PTPRG: variants seen among roughly 807,000 people sequenced by gnomAD.
The protein encoded by PTPRG is receptor-type tyrosine-protein phosphatase gamma.
PTPRG carries 102 observed loss-of-function variants against 165.3 expected under a neutral mutation model. That is an observed-to-expected ratio of 0.62 (90% CI 0.53 to 0.73). The LOEUF is 0.73. Among genes scored for constraint, PTPRG ranks in the 30% least tolerant of loss-of-function variants. The pLI is 0.00. For synonymous variants in PTPRG, 675 were observed against 669.5 expected (o/e 1.01, Z -0.13); for missense variants, 1,866 against 1,861.4 (o/e 1.00, Z -0.05).
chr3:62,274,320 G>T (rs1274482057), intron 23 of PTPRG, among the ~76,000 whole-genome samples: 3 of 152,058 alleles, frequency 2.0e-5, no homozygotes, highest in African/African-American at 7.2e-5. Flanking sequence ...TTCCTAAATG[G>T]TTGTTCTTTT....
intron 5 of PTPRG, among the ~76,000 whole-genome samples, chr3:62,090,536 C>T (rs375234160): frequency 2.0e-5 from 3 of 152,260 alleles, no homozygotes; most frequent in African/African-American, 7.2e-5. Flanking sequence ...TGGTTTCTCT[C>T]TATTTTGAAT....
At chr3:61,907,670 G>C (rs1169825524) in intron 2 of PTPRG, among the ~76,000 whole-genome samples, 1 of 152,196 alleles carries the variant, frequency 6.6e-6, no homozygotes, top group African/African-American at 2.4e-5. Context: ...AGGGAACACA[G>C]ATGATAACGA....
chr3:61,858,983 G>T (rs961876871), intron 2 of PTPRG, among the ~76,000 whole-genome samples: 2 of 151,980 alleles, frequency 1.3e-5, no homozygotes, highest in Non-Finnish European at 2.9e-5. Context: ...TGCAGAGCAT[G>T]ATCAAAGAAT....
intron 2 of PTPRG, among the ~76,000 whole-genome samples, chr3:61,839,133 T>A (rs2036550966): frequency 6.6e-6 from 1 of 152,162 alleles, no homozygotes; most frequent in Non-Finnish European, 1.5e-5. Context: ...AGATAAACTT[T>A]CAATTAGGGG....
intron 2 of PTPRG, among the ~76,000 whole-genome samples, chr3:61,791,919 C>T (rs538275113): frequency 3.3e-5 from 5 of 152,288 alleles, no homozygotes; most frequent in African/African-American, 1.2e-4. Context: ...ATTTTTATCT[C>T]ACTTTTTAGA....
intron 2 of PTPRG, among the ~76,000 whole-genome samples, chr3:61,827,353 C>T (rs1339996660): frequency 2.6e-5 from 4 of 152,182 alleles, no homozygotes; most frequent in African/African-American, 7.2e-5. Flanking sequence ...GATGCACTTT[C>T]GGAGAAGGGT....
In PTPRG at chr3:62,251,253, C is replaced by T. The variant is rs1007457607; in HGVS notation, c.2468-3871C>T. Among the ~76,000 whole-genome samples the T allele has an allele frequency of 5.3e-5, 8 of 152,252 alleles. No homozygotes were observed. In the South Asian group the frequency reaches 1.0e-3, roughly 20 times the overall value. On this transcript the variant is annotated intron_variant, in intron 15 of 29. Transcript: ENST00000474889. ...AAAAAATATAAGCCAGGTGTGGTGA[C>T]GTGGGCCTGTAGTCCCAGCTACGCA...
At chr3:61,795,639 CAAAAAAAAA>C (rs145136197) in intron 2 of PTPRG, among the ~76,000 whole-genome samples, 3 of 59,448 alleles carry the variant, frequency 5.0e-5, no homozygotes, top group Admixed American at 2.6e-4. Flanking sequence ...GACTCCGTCT[CAAAAAAAAA>C]AAAAAAAAAA....
chr3:62,017,418 ATTT>A (rs11287319), intron 4 of PTPRG, among the ~76,000 whole-genome samples: 3 of 136,864 alleles, frequency 2.2e-5, no homozygotes, highest in African/African-American at 5.4e-5. Flanking sequence ...TCAGAAAATG[ATTT>A]TTTTTTTTTT....
intron 1 of PTPRG, among the ~76,000 whole-genome samples, chr3:61,565,520 A>C (rs1366038754): frequency 6.6e-6 from 1 of 152,054 alleles, no homozygotes; most frequent in Admixed American, 6.6e-5. Flanking sequence ...ATCTCCAATC[A>C]CTGGGAATTT....
chr3:61,601,413 G>C (rs1700864736), intron 1 of PTPRG, among the ~76,000 whole-genome samples: 1 of 152,214 alleles, frequency 6.6e-6, no homozygotes, highest in Non-Finnish European at 1.5e-5. Flanking sequence ...GGGCATGTTG[G>C]CCTCTGCTAT....
At chr3:61,588,813 T>C (rs1299819745) in intron 1 of PTPRG, among the ~76,000 whole-genome samples, 1 of 152,242 alleles carries the variant, frequency 6.6e-6, no homozygotes, top group Non-Finnish European at 1.5e-5. Context: ...CATACTCATA[T>C]ATGCATCCGT....
At position 62,271,681 on chromosome 3, in the gene PTPRG, A is replaced by G. The variant is rs146536392; in HGVS notation, c.3182+126A>G. ...AATCTTCCACTGGAAACTGGGATGG[A>G]TAAGACCTATGATAGTCTTAAAGAG... On this transcript the variant is annotated intron_variant, in intron 21 of 29. Coordinates refer to ENST00000474889, the MANE Select transcript of PTPRG (RefSeq NM_002841.4). This position sits in a 1 kb window ranked among gnomAD's most constrained non-coding sequence, Gnocchi z 4.1. 6.6e-4 allele frequency: 527 copies of G among 801,596 alleles called. No individual in the cohort carries two copies. In the African/African-American group the frequency reaches 8.1e-3, roughly 12 times the overall value. The allele number at this position is 801,596 out of a possible 1,614,324, so 49.7% of individuals were successfully genotyped here.
At chr3:62,192,575 A>AT (rs567727719) in intron 9 of PTPRG, among the ~76,000 whole-genome samples, 1,524 of 150,154 alleles carry the variant, frequency 0.01, 30 homozygotes, top group African/African-American at 0.034. Context: ...TGCCTGGCTA[A>AT]TTTTTTTTTG....
At chr3:61,848,479 T>TA (rs1462660168) in intron 2 of PTPRG, among the ~76,000 whole-genome samples, 1 of 152,258 alleles carries the variant, frequency 6.6e-6, no homozygotes, top group Non-Finnish European at 1.5e-5. Flanking sequence ...TTGCATTTTT[T>TA]ATCTTTTCCA....
intron 2 of PTPRG, among the ~76,000 whole-genome samples, chr3:61,986,807 T>G (rs1409438413): frequency 6.6e-6 from 1 of 152,224 alleles, no homozygotes; most frequent in Non-Finnish European, 1.5e-5. Flanking sequence ...TGCAAGTGAC[T>G]TCTTATTCTT....
In PTPRG at chr3:61,849,070, TG is replaced by T. The variant is rs138475998; in HGVS notation, c.190+100089del. ...AGTCTTTGGAGTACACTGGGCCTTT[TG>T]CAGTTGGGACAAACCCATTTCCTCT... On this transcript the variant is annotated intron_variant, in intron 2 of 29. Transcript: ENST00000474889. 8.5e-3 allele frequency among the ~76,000 whole-genome samples: 1,301 copies of T among 152,284 alleles called. 8 individuals are homozygous for T. Among genetic ancestry groups the T allele is most frequent in the Non-Finnish European group, 0.015 (1,020 of 68,008 alleles).
rs564761041 is a variant in PTPRG at position 62,166,197 on chromosome 3, C to CTTTTTTTT, written c.841-1745_841-1738dup. On this transcript the variant is annotated intron_variant, in intron 7 of 29. Transcript: ENST00000474889. ...TGGCTGCATATTTCAAATTACAGTT[C>CTTTTTTTT]TTTTTTTTTTTTTTTTTTTTTTTTT... Among the ~76,000 whole-genome samples, 143 of 53,928 alleles carry CTTTTTTTT rather than the reference C, an allele frequency of 2.7e-3. 49 individuals carry two copies. The highest frequency in any genetic ancestry group is 3.8e-3 in the Non-Finnish European group (111 of 29,506). The allele number at this position is 53,928 out of a possible 152,430, so 35.4% of individuals were successfully genotyped here.
intron 1 of PTPRG, among the ~76,000 whole-genome samples, chr3:61,665,982 CTT>C (rs34088763): frequency 2.7e-3 from 372 of 139,808 alleles, no homozygotes; most frequent in Non-Finnish European, 3.0e-3. Context: ...CGCCTTTTTA[CTT>C]TTTTTTTTTT....
Sources: gnomAD v4.1 joint callset for allele counts (sites outside exome capture counted in the v4.1 genomes callset) on GRCh38, gnomAD v4.1.1 for gene constraint, Gnocchi (gnomAD v3.1) non-coding constraint, MANE v1.5 for transcripts, NCBI Gene and HGNC (gene_info 2026-07-23, HGNC 2026-07-21) for gene names.